CLEC1B: variants seen among roughly 807,000 people sequenced by gnomAD.
CLEC1B encodes the protein C-type lectin-like receptor 2.
CLEC1B carries 26 observed loss-of-function variants against 26.7 expected under a neutral mutation model. The ratio of observed to expected loss-of-function variants is 0.97; its 90% CI spans 0.71 to 1.35. CLEC1B has a LOEUF of 1.35. Ranked by LOEUF, CLEC1B falls within the 40% of genes most tolerant of loss-of-function variation. CLEC1B has a pLI of 0.00. For missense variants in CLEC1B, 293 were observed against 282.6 expected (o/e 1.04, Z -0.26); for synonymous variants, 112 against 96.0 (o/e 1.17, Z -0.97).
Position 9,995,231 on chromosome 12 carries a change from T to C in CLEC1B, c.454A>G (p.Arg152Gly), listed in dbSNP as rs778816261. ...NRNIVEYIKA[R>G]THLIRWVGLS... Reference sequence around the variant, plus strand: ...CCGACCCAACGAATTAAATGAGTCCTGGCTTTGATGTACTCCTATTGTAAA... The same window carrying C: ...CCGACCCAACGAATTAAATGAGTCCCGGCTTTGATGTACTCCTATTGTAAA... Residue 152 changes from arginine to glycine, a missense_variant, in exon 5 of 6, where the codon AGG (arginine) becomes GGG (glycine). Coordinates refer to ENST00000298527, the MANE Select transcript of CLEC1B (RefSeq NM_016509.4). 3 of 1,612,722 alleles carry C rather than the reference T, an allele frequency of 1.9e-6. No homozygotes were observed. The highest frequency in any genetic ancestry group is 1.7e-5 in the Admixed American group (1 of 60,000).
chr12:9,996,773 A>G (rs1865058983), intron 4 of CLEC1B, 73 bp downstream of exon 4: 2 of 1,532,346 alleles, frequency 1.3e-6, no homozygotes, highest in African/African-American at 1.4e-5. Context: ...GTAAAAAACA[A>G]AAAAAGGTCA....
At chr12:9,998,879 A>G (rs1010386051) in intron 1 of CLEC1B, among the ~76,000 whole-genome samples, 158 bp downstream of exon 1, 6 of 152,218 alleles carry the variant, frequency 3.9e-5, no homozygotes, top group African/African-American at 9.6e-5. Flanking sequence ...ATAGGTCTGT[A>G]TGAGCTTATG....
At chr12:9,999,586 C>T (rs1865131181), upstream of CLEC1B, among the ~76,000 whole-genome samples, 1 of 152,282 alleles carries the variant, frequency 6.6e-6, no homozygotes, top group Middle Eastern at 3.4e-3. Flanking sequence ...CTGATAGGGG[C>T]TAAATTAGCT....
chr12:9,999,095 C>G lies in CLEC1B; in HGVS notation c.6G>C (p.Gln2His). 6.2e-7 allele frequency: 1 copy of G among 1,607,912 alleles called. No individual in the cohort carries two copies. The highest frequency in any genetic ancestry group is 8.5e-7 in the Non-Finnish European group (1 of 1,175,888). Residue 2 changes from glutamine (Q) to histidine (H), a missense_variant, in exon 1 of 6, where the codon CAG (glutamine) becomes CAC (histidine). Gln to His is a conservative substitution (Grantham distance 24). Coordinates refer to ENST00000298527, the MANE Select transcript of CLEC1B (RefSeq NM_016509.4). ...TTAAGGTGATGTATCCATCTTCATC[C>G]TGCATGGCTTCCCGAGTACTGCAAC... M[Q>H]DEDGYITLNI...
At position 9,998,964 on chromosome 12, in the gene CLEC1B, G is replaced by A. The variant is rs1865119735; in HGVS notation, c.64+73C>T. On this transcript the variant is annotated intron_variant, in intron 1 of 5. Transcript: ENST00000298527. ...AATTAAACTATATATATTATCAATA[G>A]TAGAAAAAGAAAGAATTGAATCAAC... 5.7e-6 allele frequency: 5 copies of A among 873,274 alleles called. No individual in the cohort carries two copies. In the East Asian group the frequency reaches 9.7e-5, roughly 17 times the overall value. 54.1% of individuals were successfully genotyped at this position (873,274 alleles called of 1,614,324 possible). A position where few individuals can be genotyped will look rare whatever the true frequency, so the allele number is the denominator to read the frequency against.
chr12:9,994,572 C>CA (rs1864984817), intron 5 of CLEC1B, among the ~76,000 whole-genome samples: 1 of 152,054 alleles, frequency 6.6e-6, no homozygotes, highest in African/African-American at 2.4e-5. Flanking sequence ...CCACTCAATG[C>CA]AATCAGTCCC....
In CLEC1B at chr12:9,995,240, T is replaced by G. The variant is rs1335235701; in HGVS notation, c.445A>C (p.Ile149Leu). Residue 149 changes from isoleucine (I) to leucine (L), a missense_variant, in exon 5 of 6, where the codon ATC (isoleucine) becomes CTC (leucine). Transcript: ENST00000298527. ...CGAATTAAATGAGTCCTGGCTTTGA[T>G]GTACTCCTATTGTAAACATAAATAA... Reference protein sequence around the residue: ...KIDNRNIVEYIKARTHLIRWV... With the variant: ...KIDNRNIVEYLKARTHLIRWV... 1 of 1,611,816 alleles carries G rather than the reference T, an allele frequency of 6.2e-7. No homozygotes were observed. The highest frequency in any genetic ancestry group is 8.5e-7 in the Non-Finnish European group (1 of 1,178,208).
chr12:10,001,043 A>T (rs141364972), upstream of CLEC1B, among the ~76,000 whole-genome samples: 432 of 152,374 alleles, frequency 2.8e-3, no homozygotes, highest in African/African-American at 9.8e-3. Flanking sequence ...AAACAGGTAC[A>T]TATGAAAACT....
intron 2 of CLEC1B, 118 bp downstream of exon 2, chr12:9,998,164 G>A: frequency 1.4e-6 from 1 of 740,148 alleles, no homozygotes; most frequent in East Asian, 2.5e-5. Flanking sequence ...CTATCTGTAG[G>A]ACAACTGTAG....
At chr12:9,998,696 AAAT>A (rs1865113817) in intron 1 of CLEC1B, among the ~76,000 whole-genome samples, 1 of 151,898 alleles carries the variant, frequency 6.6e-6, no homozygotes, top group Admixed American at 6.6e-5. Context: ...CCCATGCCAT[AAAT>A]AATTGCTTTA....
In CLEC1B at chr12:9,997,268, G is replaced by A. The variant is rs1466367247; in HGVS notation, c.175C>T (p.Arg59Cys). ...VALGIWSVMQ[R>C]NYLQGENENR... ...TCATTCTCACCTTGTAGGTAATTGCGCTGCATGACAGCTAGGTTTAAAAAG... is the reference window on the plus strand; with the variant it reads ...TCATTCTCACCTTGTAGGTAATTGCACTGCATGACAGCTAGGTTTAAAAAG... Residue 59 changes from arginine to cysteine, a missense_variant, in exon 3 of 6, where the codon CGC becomes TGC. Coordinates refer to ENST00000298527, the MANE Select transcript of CLEC1B (RefSeq NM_016509.4). The A allele has an allele frequency of 3.1e-6, 5 of 1,610,678 alleles. No homozygotes were observed. The highest frequency in any genetic ancestry group is 2.2e-5 in the East Asian group (1 of 44,860).
chr12:9,993,989 C>T (rs781482833), intron 5 of CLEC1B, among the ~76,000 whole-genome samples: 14 of 151,790 alleles, frequency 9.2e-5, no homozygotes, highest in South Asian at 2.1e-4. Flanking sequence ...GGGGCGATAC[C>T]GGTAAGAAGC....
At chr12:9,995,524 G>C (rs74434529) in intron 4 of CLEC1B, 1 of 384,478 alleles carries the variant, frequency 2.6e-6, no homozygotes, top group Non-Finnish European at 5.0e-6. Flanking sequence ...ACCAGTTGAG[G>C]ATTATACTCC....
intron 3 of CLEC1B, 56 bp from the exon 4 acceptor site, chr12:9,997,056 C>G (rs1865069016): frequency 1.2e-6 from 2 of 1,610,302 alleles, no homozygotes; most frequent in Admixed American, 1.7e-5. Context: ...CTTACATTTT[C>G]TTCACATTCA....
rs930928686 is a variant in CLEC1B, at chr12:9,998,203, T to C, written c.163+79A>G. On this transcript the variant is annotated intron_variant, in intron 2 of 5. Coordinates refer to ENST00000298527, the MANE Select transcript of CLEC1B (RefSeq NM_016509.4). ...TGATAAACAGACAAATAGCGACCATTGAGAAGCTTAGTGGGATATGCCATG... is the reference window on the plus strand; with the variant it reads ...TGATAAACAGACAAATAGCGACCATCGAGAAGCTTAGTGGGATATGCCATG... 2.8e-6 allele frequency: 3 copies of C among 1,068,858 alleles called. No individual in the cohort carries two copies. The African/African-American group carries it at 4.7e-5, about 17-fold the overall frequency. 66.2% of individuals were successfully genotyped at this position (1,068,858 alleles called of 1,614,324 possible). A position where few individuals can be genotyped will look rare whatever the true frequency, so the allele number is the denominator to read the frequency against.
upstream of CLEC1B, chr12:9,999,225 A>G: frequency 1.7e-6 from 1 of 584,798 alleles, no homozygotes; most frequent in Non-Finnish European, 3.0e-6. Context: ...GAACCATGTG[A>G]GATGGGACAC....
chr12:9,999,540 A>G (rs142294279), upstream of CLEC1B, among the ~76,000 whole-genome samples: 1 of 152,338 alleles, frequency 6.6e-6, no homozygotes, highest in Non-Finnish European at 1.5e-5. Flanking sequence ...TATATAGTTT[A>G]TCTCATTGTG....
At chr12:9,995,326 C>CTTTGGTTG in intron 4 of CLEC1B, 80 bp from the exon 5 acceptor site, 1 of 1,191,280 alleles carries the variant, frequency 8.4e-7, no homozygotes, top group East Asian at 2.4e-5. Context: ...CATGATAAGA[C>CTTTGGTTG]GTTGGACAAA....
chr12:9,997,616 G>T (rs1174712521), intron 2 of CLEC1B, among the ~76,000 whole-genome samples: 2 of 152,112 alleles, frequency 1.3e-5, no homozygotes, highest in East Asian at 1.9e-4. Context: ...CTTATTTTCT[G>T]TTCTTTCTGT....
Sources: gnomAD v4.1 joint callset for allele counts (sites outside exome capture counted in the v4.1 genomes callset) on GRCh38, gnomAD v4.1.1 for gene constraint, MANE v1.5 for transcripts, NCBI Gene and HGNC (gene_info 2026-07-23, HGNC 2026-07-21) for gene names.